The following ATP10A variants were observed in gnomAD, a reference collection of about 807,000 sequenced individuals.
ATP10A encodes phospholipid-transporting ATPase VA.
ATP10A carries 111 observed loss-of-function variants against 147.8 expected under a neutral mutation model. That is an observed-to-expected ratio of 0.75 (90% CI 0.64 to 0.88). The LOEUF is 0.88. Among genes scored for constraint, ATP10A ranks in the 40% least tolerant of loss-of-function variants. The pLI is 0.00. For synonymous variants in ATP10A, 875 were observed against 841.6 expected (o/e 1.04, Z -0.69); for missense variants, 1,927 against 1,959.0 (o/e 0.98, Z 0.31).
intron 2 of ATP10A, among the ~76,000 whole-genome samples, chr15:25,778,045 T>C (rs1889707508): frequency 6.6e-6 from 1 of 152,148 alleles, no homozygotes; most frequent in Non-Finnish European, 1.5e-5. Context: ...ACATCAGACT[T>C]TCTCTGATTG....
chr15:25,719,766 A>G (rs1268349283), intron 7 of ATP10A, among the ~76,000 whole-genome samples: 1 of 152,166 alleles, frequency 6.6e-6, no homozygotes, highest in East Asian at 1.9e-4. Flanking sequence ...CCTCCTGGGC[A>G]TGCACAGCCA....
intron 1 of ATP10A, among the ~76,000 whole-genome samples, chr15:25,857,970 A>G (rs1893587278): frequency 6.6e-6 from 1 of 152,188 alleles, no homozygotes; most frequent in African/African-American, 2.4e-5. Flanking sequence ...TCATATTAAC[A>G]AGTAAAAAAG....
At chr15:25,678,682 C>T (rs1257222236), downstream of ATP10A, 1 of 152,228 alleles carries the variant, frequency 6.6e-6, no homozygotes, top group Non-Finnish European at 1.5e-5. Flanking sequence ...TTAATCATTT[C>T]ATACACCAGT....
At chr15:25,820,403 T>C (rs1596951497) in intron 1 of ATP10A, among the ~76,000 whole-genome samples, 1 of 152,304 alleles carries the variant, frequency 6.6e-6, no homozygotes, top group Admixed American at 6.5e-5. Context: ...TACAAAGACA[T>C]ACCGTGTCTT....
intron 1 of ATP10A, among the ~76,000 whole-genome samples, chr15:25,800,168 C>T (rs578079092): frequency 6.2e-4 from 95 of 152,236 alleles, no homozygotes; most frequent in Middle Eastern, 3.4e-3. Context: ...ATATCTTTTA[C>T]AAAACAAAAG....
chr15:25,674,830 G>T (rs1407698692), downstream of ATP10A, among the ~76,000 whole-genome samples: 3 of 152,248 alleles, frequency 2.0e-5, no homozygotes, highest in African/African-American at 7.2e-5. Flanking sequence ...TGTGCTGAAA[G>T]CTGGAAGGGA....
Position 25,683,438 on chromosome 15 carries a change from C to A in ATP10A, c.3340G>T (p.Ala1114Ser), listed in dbSNP as rs767287422. 6.2e-7 allele frequency: 1 copy of A among 1,614,026 alleles called. No individual in the cohort carries two copies. The highest frequency in any genetic ancestry group is 1.3e-5 in the African/African-American group (1 of 75,030). ...FWFQFFCGFS[A>S]STMIDQWYLI... ...TACCACTGGTCAATCATGGTAGATG[C>A]AGAGAAGCCACAGAAAAACTGGAAC... The change falls in exon 17 of 21, where the codon GCA becomes TCA. Residue 1114 changes from alanine to serine, a missense_variant. By Grantham distance (99) the Ala-to-Ser change is moderately conservative. Coordinates refer to ENST00000555815, the MANE Select transcript of ATP10A (RefSeq NM_024490.4).
chr15:25,695,578 A>G (rs547141236), intron 13 of ATP10A, among the ~76,000 whole-genome samples: 2 of 152,186 alleles, frequency 1.3e-5, no homozygotes, highest in East Asian at 3.9e-4. Context: ...GCAGTGAGCC[A>G]AGATCATGCC....
Position 25,863,073 on chromosome 15 carries a change from G to C in ATP10A, c.24C>G (p.Thr8=), listed in dbSNP as rs1050445052. ...GCCGTCCCGGAGGCCCGGGCTCCTC[G>C]GTCCCCGCCGGCTCCCGCTCCATGG... The part of the protein sequence containing the change: MEREPAG[T]EEPGPPGRRR... Residue 8 remains threonine, a synonymous_variant, in exon 1 of 21, where the codon ACC becomes ACG. Transcript: ENST00000555815. 1.2e-5 allele frequency: 15 copies of C among 1,214,554 alleles called. No individual in the cohort carries two copies. In the African/African-American group the frequency reaches 1.9e-4, roughly 15 times the overall value. The allele number at this position is 1,214,554 out of a possible 1,614,324, so 75.2% of individuals were successfully genotyped here. A position where few individuals can be genotyped will look rare whatever the true frequency, so the allele number is the denominator to read the frequency against.
At chr15:25,685,019 G>C (rs531182690) in intron 16 of ATP10A, among the ~76,000 whole-genome samples, 1 of 152,006 alleles carries the variant, frequency 6.6e-6, no homozygotes, top group Non-Finnish European at 1.5e-5. Context: ...GCTGGCTCTC[G>C]CTCACTCACC....
At chr15:25,807,858 G>A (rs1177972458) in intron 1 of ATP10A, among the ~76,000 whole-genome samples, 6 of 151,528 alleles carry the variant, frequency 4.0e-5, no homozygotes, top group Admixed American at 2.0e-4. Context: ...GGTGACAACC[G>A]GGGCTCTGAA....
intron 1 of ATP10A, among the ~76,000 whole-genome samples, chr15:25,860,820 C>A (rs989303010): frequency 5.3e-5 from 8 of 152,150 alleles, no homozygotes; most frequent in Non-Finnish European, 1.2e-4. Context: ...CTATAAGGAT[C>A]GAATGACATA....
chr15:25,824,450 G>A (rs530029307), intron 1 of ATP10A, among the ~76,000 whole-genome samples: 3 of 142,146 alleles, frequency 2.1e-5, no homozygotes, highest in African/African-American at 7.8e-5. Context: ...CTCCAGCCTG[G>A]ACAAGGGAGC....
At chr15:25,674,421 T>C (rs1256745798), downstream of ATP10A, among the ~76,000 whole-genome samples, 1 of 8,942 alleles carries the variant, frequency 1.1e-4, no homozygotes, top group East Asian at 5.0e-3. Flanking sequence ...GGGACTGCTG[T>C]TGATAATAAA....
chr15:25,766,637 G>A (rs1423979315), intron 2 of ATP10A, among the ~76,000 whole-genome samples: 3 of 151,804 alleles, frequency 2.0e-5, no homozygotes, highest in Non-Finnish European at 4.4e-5. Flanking sequence ...TGACAAGAAA[G>A]GGCCAGGTGG....
At chr15:25,849,260 C>T (rs955610104) in intron 1 of ATP10A, among the ~76,000 whole-genome samples, 1 of 152,244 alleles carries the variant, frequency 6.6e-6, no homozygotes, top group Admixed American at 6.5e-5. Flanking sequence ...GATTGGGTGG[C>T]TTGCACACGT....
intron 3 of ATP10A, among the ~76,000 whole-genome samples, chr15:25,727,891 C>T (rs1213772658): frequency 6.6e-6 from 1 of 152,222 alleles, no homozygotes; most frequent in Non-Finnish European, 1.5e-5. Context: ...CCTCCGGGCC[C>T]ACTGATGACC....
At chr15:25,728,894 C>T (rs896450383) in intron 3 of ATP10A, among the ~76,000 whole-genome samples, 1 of 152,166 alleles carries the variant, frequency 6.6e-6, no homozygotes, top group Non-Finnish European at 1.5e-5. Flanking sequence ...GCGTGAACAG[C>T]CCACAACACA....
At chr15:25,856,455 A>G (rs1355956730) in intron 1 of ATP10A, among the ~76,000 whole-genome samples, 1 of 152,208 alleles carries the variant, frequency 6.6e-6, no homozygotes. Context: ...GTATTTCTTC[A>G]TAGCAGCCTG....
Sources: allele counts gnomAD v4.1 joint callset (sites outside exome capture counted in the v4.1 genomes callset), GRCh38; gene constraint gnomAD v4.1.1; transcripts MANE v1.5; gene names NCBI Gene and HGNC (gene_info 2026-07-23, HGNC 2026-07-21).